MCPH1: variants seen among roughly 807,000 people sequenced by gnomAD.
MCPH1 encodes microcephalin.
MCPH1 carries 104 observed loss-of-function variants against 84.5 expected under a neutral mutation model. The ratio of observed to expected loss-of-function variants is 1.23; its 90% CI spans 1.05 to 1.45. MCPH1 has a LOEUF of 1.45. Among genes scored for constraint, MCPH1 ranks in the 40% most tolerant of loss-of-function variants. The pLI is 0.00. For missense variants in MCPH1, 1,498 were observed against 1,005.7 expected (o/e 1.49, Z -6.62); for synonymous variants, 514 against 366.8 (o/e 1.40, Z -4.58).
intron 12 of MCPH1, among the ~76,000 whole-genome samples, chr8:6,605,192 G>T (rs1459430602): frequency 1.3e-5 from 2 of 152,128 alleles, no homozygotes; most frequent in Non-Finnish European, 2.9e-5. Context: ...ATCTGGAATG[G>T]TTACTCATGT....
chr8:6,500,224 G>C, intron 12 of MCPH1: 1 of 396,060 alleles, frequency 2.5e-6, no homozygotes, highest in Non-Finnish European at 4.7e-6. Flanking sequence ...TGGGCAGGTA[G>C]TCTTATATCT....
At chr8:6,470,392 T>A (rs1807563286) in intron 9 of MCPH1, among the ~76,000 whole-genome samples, 1 of 152,188 alleles carries the variant, frequency 6.6e-6, no homozygotes, top group African/African-American at 2.4e-5. Flanking sequence ...CAAGCGATTC[T>A]CCTACCTCAG....
At chr8:6,601,272 A>G (rs1829339581) in intron 12 of MCPH1, among the ~76,000 whole-genome samples, 2 of 152,112 alleles carry the variant, frequency 1.3e-5, no homozygotes, top group Admixed American at 1.3e-4. Flanking sequence ...TCATCAGGGC[A>G]CCCTGTGCTT....
At chr8:6,515,898 T>A (rs905301077) in intron 12 of MCPH1, among the ~76,000 whole-genome samples, 1 of 152,214 alleles carries the variant, frequency 6.6e-6, no homozygotes, top group South Asian at 2.1e-4. Flanking sequence ...AAGAGAGTGC[T>A]ATTCCTGTTC....
intron 12 of MCPH1, chr8:6,615,579 G>C (rs892513135): frequency 1.3e-5 from 2 of 152,216 alleles, no homozygotes; most frequent in African/African-American, 4.8e-5. Context: ...CAGGATCCAA[G>C]AAAAAATGGA....
intron 12 of MCPH1, among the ~76,000 whole-genome samples, chr8:6,587,607 G>C (rs934799650): frequency 6.6e-6 from 1 of 152,124 alleles, no homozygotes; most frequent in African/African-American, 2.4e-5. Context: ...TAAATCACTT[G>C]GTAATTTTTC....
At chr8:6,641,965 T>G (rs1267416638) in intron 13 of MCPH1, among the ~76,000 whole-genome samples, 1 of 152,166 alleles carries the variant, frequency 6.6e-6, no homozygotes, top group African/African-American at 2.4e-5. Flanking sequence ...AGAAGCACAT[T>G]TGTATTGAGA....
At chr8:6,442,515 A>G (rs185459627) in intron 7 of MCPH1, among the ~76,000 whole-genome samples, 15 of 152,348 alleles carry the variant, frequency 9.8e-5, no homozygotes, top group South Asian at 4.1e-4. Flanking sequence ...AACACAAGGA[A>G]CCTGTTATTG....
intron 8 of MCPH1, among the ~76,000 whole-genome samples, chr8:6,452,572 C>T (rs1805211032): frequency 6.6e-6 from 1 of 152,202 alleles, no homozygotes; most frequent in Non-Finnish European, 1.5e-5. Context: ...GAAGGTCTAA[C>T]CCTCAATGGG....
chr8:6,424,466 G>A (rs1381672832), intron 3 of MCPH1, among the ~76,000 whole-genome samples: 1 of 152,092 alleles, frequency 6.6e-6, no homozygotes, highest in Non-Finnish European at 1.5e-5. Context: ...CTTTCCTCCC[G>A]GAATCCTCAG....
At chr8:6,515,034 C>G (rs1422798422) in intron 12 of MCPH1, among the ~76,000 whole-genome samples, 1 of 152,152 alleles carries the variant, frequency 6.6e-6, no homozygotes, top group Non-Finnish European at 1.5e-5. Context: ...ACTCACTTGT[C>G]ATCATCTGTT....
chr8:6,628,378 G>A (rs1213446331), intron 13 of MCPH1, among the ~76,000 whole-genome samples: 1 of 149,390 alleles, frequency 6.7e-6, no homozygotes, highest in African/African-American at 2.5e-5. Flanking sequence ...GGCTGAGGCA[G>A]GAGAATGCAT....
intron 2 of MCPH1, among the ~76,000 whole-genome samples, chr8:6,412,341 G>C (rs981265810): frequency 2.6e-5 from 4 of 152,250 alleles, no homozygotes; most frequent in Non-Finnish European, 5.9e-5. Context: ...AAGGTGGTTT[G>C]AGGGTAGCAT....
chr8:6,461,781 T>A (rs1315522631), intron 9 of MCPH1, among the ~76,000 whole-genome samples: 1 of 152,226 alleles, frequency 6.6e-6, no homozygotes, highest in Non-Finnish European at 1.5e-5. Context: ...AATTTTGACC[T>A]GTTTTCTTTG....
chr8:6,420,966 G>T (rs1381095119), intron 3 of MCPH1, among the ~76,000 whole-genome samples: 2 of 152,168 alleles, frequency 1.3e-5, no homozygotes, highest in African/African-American at 4.8e-5. Flanking sequence ...AAGTACACTG[G>T]GAAGAGTCCC....
At chr8:6,641,847 A>G (rs1187447041) in intron 13 of MCPH1, among the ~76,000 whole-genome samples, 4 of 152,222 alleles carry the variant, frequency 2.6e-5, no homozygotes, top group African/African-American at 4.8e-5. Context: ...ATTATATACA[A>G]TGTTTTTAAC....
At chr8:6,484,355 T>C (rs1563271822) in intron 11 of MCPH1, among the ~76,000 whole-genome samples, 1 of 151,430 alleles carries the variant, frequency 6.6e-6, no homozygotes, top group South Asian at 2.1e-4. Context: ...ATCCACTACA[T>C]ATCCATTAGA....
chr8:6,463,349 G>C (rs2920658), intron 9 of MCPH1, among the ~76,000 whole-genome samples: 45,611 of 152,080 alleles, frequency 0.3, 9,397 homozygotes, highest in African/African-American at 0.57. Context: ...AGATCTTTGT[G>C]AGCTGCGATA....
chr8:6,611,862 C>G (rs544098181), intron 12 of MCPH1, among the ~76,000 whole-genome samples: 1 of 152,318 alleles, frequency 6.6e-6, no homozygotes, highest in South Asian at 2.1e-4. Context: ...TCGTGATCCA[C>G]CCACCTCGGC....
Sources: allele counts gnomAD v4.1 joint callset (sites outside exome capture counted in the v4.1 genomes callset), GRCh38; gene constraint gnomAD v4.1.1; transcripts MANE v1.5; gene names NCBI Gene and HGNC (gene_info 2026-07-23, HGNC 2026-07-21).